The following MAGI1 variants were observed in gnomAD, a reference collection of about 807,000 sequenced individuals.
MAGI1 encodes the protein membrane-associated guanylate kinase, WW and PDZ domain-containing protein 1.
A neutral mutation model predicts 139.9 loss-of-function variants in MAGI1; 58 were observed. The ratio of observed to expected loss-of-function variants is 0.41; its 90% CI spans 0.34 to 0.52. MAGI1 has a LOEUF of 0.52. Ranked by LOEUF, MAGI1 falls within the 20% of genes least tolerant of loss-of-function variation. The probability of loss-of-function intolerance (pLI) is 0.12; values close to 1 mark genes in which losing one functional copy is unlikely to be tolerated. For missense variants in MAGI1, 1,874 were observed against 1,901.6 expected (o/e 0.99, Z 0.27); for synonymous variants, 812 against 737.9 (o/e 1.10, Z -1.63).
chr3:65,356,548 G>A lies in MAGI1; in HGVS notation c.4219C>T (p.Pro1407Ser), dbSNP rs376310060. The change falls in exon 23 of 23, where the codon CCC (proline) becomes TCC (serine). Residue 1407 changes from proline (P) to serine (S), a missense_variant. By Grantham distance (74) the Pro-to-Ser change is moderately conservative. Transcript: ENST00000402939. Reference protein sequence around the residue: ...KSTDRRRARSPERRRERSLDK... With the variant: ...KSTDRRRARSSERRRERSLDK... ...AGGGACCGCTCTCTCCTGCGCTCGG[G>A]GGAGCGTGCGCGCCTCCGGTCGGTG... 1 of 1,609,148 alleles carries A rather than the reference G, an allele frequency of 6.2e-7. No homozygotes were observed. The highest frequency in any genetic ancestry group is 1.1e-5 in the South Asian group (1 of 91,030).
intron 3 of MAGI1, among the ~76,000 whole-genome samples, chr3:65,487,268 A>G (rs1292657892): frequency 6.6e-6 from 1 of 152,154 alleles, no homozygotes; most frequent in Non-Finnish European, 1.5e-5. Context: ...CACACTTACA[A>G]TTGGATATTC....
intron 2 of MAGI1, among the ~76,000 whole-genome samples, chr3:65,588,841 A>G (rs899060365): frequency 6.6e-6 from 1 of 152,194 alleles, no homozygotes; most frequent in Admixed American, 6.5e-5. Context: ...TAGAGTCAGG[A>G]TAAGTTTGCC....
chr3:65,830,859 G>C (rs2042484079), intron 1 of MAGI1, among the ~76,000 whole-genome samples: 1 of 152,104 alleles, frequency 6.6e-6, no homozygotes, highest in African/African-American at 2.4e-5. Flanking sequence ...CAAATGAAAA[G>C]ATTTATAGTA....
Position 65,599,856 on chromosome 3 carries a change from C to T in MAGI1, c.430+22116G>A, listed in dbSNP as rs184297130. 1.8e-3 allele frequency among the ~76,000 whole-genome samples: 273 copies of T among 151,812 alleles called. 1 individual carries two copies. Among genetic ancestry groups the T allele is most frequent in the African/African-American group, 5.9e-3 (244 of 41,222 alleles). On this transcript the variant is annotated intron_variant, in intron 2 of 22. Transcript: ENST00000402939. ...CCAGAAAAAAGCGAGTAAGATGTCT[C>T]GGAAGAAACACAGATTCGCTGGCTT...
chr3:65,366,104 T>A (rs1941393786), intron 18 of MAGI1, among the ~76,000 whole-genome samples: 1 of 152,206 alleles, frequency 6.6e-6, no homozygotes, highest in South Asian at 2.1e-4. Context: ...GTGTGCCTTA[T>A]TTTTCTCATC....
chr3:65,718,911 A>G (rs572957766), intron 1 of MAGI1, among the ~76,000 whole-genome samples: 18 of 151,780 alleles, frequency 1.2e-4, no homozygotes, highest in African/African-American at 4.4e-4. Context: ...CCTTTCAAAA[A>G]GCACTAAAAG....
chr3:65,706,351 C>T (rs1164658705), intron 1 of MAGI1, among the ~76,000 whole-genome samples: 1 of 152,234 alleles, frequency 6.6e-6, no homozygotes, highest in African/African-American at 2.4e-5. Context: ...AAAAGCCTCA[C>T]TGGGATATTT....
At chr3:65,579,527 C>T (rs1385569371) in intron 2 of MAGI1, among the ~76,000 whole-genome samples, 1 of 152,174 alleles carries the variant, frequency 6.6e-6, no homozygotes, top group Non-Finnish European at 1.5e-5. Flanking sequence ...CAGGGATAAA[C>T]ACGAATGGAG....
At chr3:65,812,774 A>C (rs1283859996) in intron 1 of MAGI1, among the ~76,000 whole-genome samples, 2 of 132,806 alleles carry the variant, frequency 1.5e-5, no homozygotes, top group East Asian at 4.4e-4. Flanking sequence ...GCAATGGTGC[A>C]ATCTCAGCTC....
intron 1 of MAGI1, among the ~76,000 whole-genome samples, chr3:65,703,338 A>C (rs554258983): frequency 2.6e-4 from 40 of 152,294 alleles, no homozygotes; most frequent in African/African-American, 8.7e-4. Flanking sequence ...TTGTCTATTC[A>C]AATGCTAGCA....
At chr3:66,036,362 G>C (rs2068920090) in intron 1 of MAGI1, among the ~76,000 whole-genome samples, 1 of 152,164 alleles carries the variant, frequency 6.6e-6, no homozygotes, top group Non-Finnish European at 1.5e-5. Flanking sequence ...AGCAAAACCT[G>C]GAGAGGTATG....
At chr3:65,379,698 T>C (rs1942882527) in intron 16 of MAGI1, 144 bp from the exon 17 acceptor site, 1 of 1,361,944 alleles carries the variant, frequency 7.3e-7, no homozygotes, top group Non-Finnish European at 9.9e-7. Context: ...AATACCTGGA[T>C]ATACGGATTG....
intron 1 of MAGI1, among the ~76,000 whole-genome samples, chr3:65,814,725 T>C (rs889555512): frequency 2.6e-5 from 4 of 152,184 alleles, no homozygotes; most frequent in African/African-American, 9.7e-5. Context: ...CTTACAGAAC[T>C]CTTTTATAAA....
chr3:65,360,641 T>G (rs746716110), intron 22 of MAGI1: 53 of 985,828 alleles, frequency 5.4e-5, no homozygotes, highest in Non-Finnish European at 6.3e-5. Flanking sequence ...GTTTGTTTGA[T>G]AGTAGTGGGC....
chr3:65,714,064 G>C (rs887362230), intron 1 of MAGI1, among the ~76,000 whole-genome samples: 1 of 152,164 alleles, frequency 6.6e-6, no homozygotes, highest in African/African-American at 2.4e-5. Context: ...TTTAAGTCTT[G>C]GCTGCTCTAT....
chr3:65,382,376 T>C (rs530697052), intron 15 of MAGI1, among the ~76,000 whole-genome samples: 17 of 152,326 alleles, frequency 1.1e-4, no homozygotes, highest in Middle Eastern at 3.4e-3. Flanking sequence ...TCTTCTTTGG[T>C]AGCTACCTAA....
At position 65,531,693 on chromosome 3, in the gene MAGI1, C is replaced by T. The variant is rs549375538; in HGVS notation, c.431-38062G>A. Reference sequence around the variant, plus strand: ...AATAAAATAGCATTAAGAACATACACGCCTTGGGGCCAGACTGCTGGGTTT... The same window carrying T: ...AATAAAATAGCATTAAGAACATACATGCCTTGGGGCCAGACTGCTGGGTTT... On this transcript the variant is annotated intron_variant, in intron 2 of 22. Transcript: ENST00000402939. Among the ~76,000 whole-genome samples the T allele has an allele frequency of 3.3e-3, 501 of 152,266 alleles. 2 individuals are homozygous for T. Among genetic ancestry groups the T allele is most frequent in the African/African-American group, 0.012 (483 of 41,548 alleles).
intron 1 of MAGI1, among the ~76,000 whole-genome samples, chr3:65,784,692 G>A (rs924406568): frequency 6.6e-6 from 1 of 151,390 alleles, no homozygotes. Context: ...GCGACAGAGC[G>A]AGACTCCGTC....
At chr3:65,734,559 AAGAG>A (rs979511598) in intron 1 of MAGI1, among the ~76,000 whole-genome samples, 11 of 138,370 alleles carry the variant, frequency 7.9e-5, no homozygotes, top group Admixed American at 2.8e-4. Flanking sequence ...GAGAGAAAGA[AAGAG>A]AGAGAGGGAG....
Sources: allele counts gnomAD v4.1 joint callset (sites outside exome capture counted in the v4.1 genomes callset), GRCh38; gene constraint gnomAD v4.1.1; transcripts MANE v1.5; gene names NCBI Gene and HGNC (gene_info 2026-07-23, HGNC 2026-07-21).